The following SATB2 variants were observed in gnomAD, a reference collection of about 807,000 sequenced individuals.
SATB2 encodes SATB homeobox 2, also known as DNA-binding protein SATB2.
A neutral mutation model predicts 73.4 loss-of-function variants in SATB2; 1 was observed. That is an observed-to-expected ratio of 0.01 (90% CI 0.00 to 0.06). The LOEUF is 0.06. Among genes scored for constraint, SATB2 ranks in the 10% least tolerant of loss-of-function variants. SATB2 has a pLI of 1.00. For synonymous variants in SATB2, 397 were observed against 367.0 expected (o/e 1.08, Z -0.93); for missense variants, 459 against 945.8 (o/e 0.49, Z 6.75).
intron 1 of SATB2, chr2:199,470,315 C>T (rs908040432): frequency 2.0e-5 from 3 of 152,240 alleles, no homozygotes; most frequent in Non-Finnish European, 4.4e-5. Context: ...GAGCATCGGC[C>T]TTTCTTTACC....
At chr2:199,403,121 A>T (rs1445476752) in intron 3 of SATB2, among the ~76,000 whole-genome samples, 1 of 152,188 alleles carries the variant, frequency 6.6e-6, no homozygotes, top group Non-Finnish European at 1.5e-5. Context: ...TGAATCAAAA[A>T]CATAGAATGA....
upstream of SATB2, among the ~76,000 whole-genome samples, chr2:199,460,869 G>A (rs1443646153): frequency 5.9e-5 from 9 of 152,140 alleles, no homozygotes; most frequent in Admixed American, 5.9e-4. The surrounding 1 kb of genome is among the most constrained non-coding windows in gnomAD (Gnocchi z 4.0). Flanking sequence ...CCCTGAGAAG[G>A]ACTATTTAAA....
At chr2:199,415,305 A>G (rs1690944402) in intron 3 of SATB2, among the ~76,000 whole-genome samples, 1 of 152,240 alleles carries the variant, frequency 6.6e-6, no homozygotes, top group Admixed American at 6.5e-5. Flanking sequence ...ATAACCATTC[A>G]AAATGACTAA....
At chr2:199,471,254 CTT>C (rs1452566631) in exon 1 of SATB2, 1 of 152,370 alleles carries the variant, frequency 6.6e-6, no homozygotes, top group Non-Finnish European at 1.5e-5. Flanking sequence ...CCCTTGGTAA[CTT>C]AAGCGCCTCT....
At chr2:199,444,732 G>C (rs13005579) in intron 2 of SATB2, among the ~76,000 whole-genome samples, 28,216 of 152,020 alleles carry the variant, frequency 0.19, 3,147 homozygotes, top group East Asian at 0.46. Context: ...GGGTGAACTC[G>C]AGTATCACCC....
At chr2:199,439,040 T>C (rs1691732366) in intron 2 of SATB2, among the ~76,000 whole-genome samples, 1 of 152,250 alleles carries the variant, frequency 6.6e-6, no homozygotes, top group Non-Finnish European at 1.5e-5. Flanking sequence ...TACCACTTGC[T>C]ATGTCCAATG....
At chr2:199,350,918 G>A (rs556085395) in intron 6 of SATB2, among the ~76,000 whole-genome samples, 2 of 151,216 alleles carry the variant, frequency 1.3e-5, no homozygotes, top group South Asian at 4.2e-4. Context: ...AGATATTCGG[G>A]ACGCTGAATC....
chr2:199,377,694 G>A (rs562278341), intron 5 of SATB2, among the ~76,000 whole-genome samples: 153 of 152,238 alleles, frequency 1.0e-3, no homozygotes, highest in African/African-American at 3.5e-3. Flanking sequence ...GGTGGGTAGG[G>A]GGAGTGACTG....
upstream of SATB2, chr2:199,459,991 C>T (rs930278099): frequency 3.3e-5 from 5 of 152,286 alleles, no homozygotes; most frequent in African/African-American, 1.2e-4. This position sits in a 1 kb window ranked among gnomAD's most constrained non-coding sequence, Gnocchi z 4.2. Flanking sequence ...CGCACCTAGG[C>T]GCCGCCCACC....
At chr2:199,456,288 C>A (rs1692272592) in intron 1 of SATB2, among the ~76,000 whole-genome samples, 192 bp from the exon 2 acceptor site, 2 of 152,246 alleles carry the variant, frequency 1.3e-5, no homozygotes, top group Non-Finnish European at 2.9e-5. Flanking sequence ...GGAAGCCCAG[C>A]GCCTCGGTTC....
chr2:199,378,652 C>G lies in SATB2; in HGVS notation c.597+1712G>C, dbSNP rs541572518. ...AATAGCATACTTTGCTTCAGAGGAT[C>G]CAAATTCCAAAACACCCTCAAAGGC... is the stretch of plus-strand genomic sequence containing the variant. On this transcript the variant is annotated intron_variant, in intron 5 of 10. Coordinates refer to ENST00000417098, the MANE Select transcript of SATB2 (RefSeq NM_001172509.2). 1.1e-4 allele frequency among the ~76,000 whole-genome samples: 17 copies of G among 152,150 alleles called. No homozygotes were observed. In the East Asian group the frequency reaches 3.3e-3, roughly 29 times the overall value.
In SATB2 at chr2:199,271,907, A is replaced by AG; in HGVS notation, c.*303dup. On this transcript the variant is annotated 3_prime_UTR_variant, in exon 11 of 11. Coordinates refer to ENST00000417098, the MANE Select transcript of SATB2 (RefSeq NM_001172509.2). ...TTAAGTGCAAGGATAATGAAGGCAG[A>AG]GTCTCCTGTGATTATAATGACTATG... 2.4e-6 allele frequency: 1 copy of AG among 423,772 alleles called. No individual in the cohort carries two copies. Among genetic ancestry groups the AG allele is most frequent in the Non-Finnish European group, 4.4e-6 (1 of 228,040 alleles). The allele number at this position is 423,772 out of a possible 1,614,324, so 26.3% of individuals were successfully genotyped here. A position where few individuals can be genotyped will look rare whatever the true frequency, so the allele number is the denominator to read the frequency against.
chr2:199,285,955 T>C (rs1005501358), intron 10 of SATB2, among the ~76,000 whole-genome samples: 12 of 151,056 alleles, frequency 7.9e-5, no homozygotes, highest in Non-Finnish European at 1.6e-4. Flanking sequence ...AGTTTAATAA[T>C]TGTTTCTCAA....
Position 199,445,653 on chromosome 2 carries a change from AG to A in SATB2, c.169+10215del, listed in dbSNP as rs536916915. Among the ~76,000 whole-genome samples, 14 of 152,298 alleles carry A rather than the reference AG, an allele frequency of 9.2e-5. No individual in the cohort carries two copies. In the South Asian group the frequency reaches 2.9e-3, roughly 32 times the overall value. ...TAGAGATTCATTTGAGAAGGAAAAA[AG>A]TCAGGATCACCTTATTTACCCTTGT... On this transcript the variant is annotated intron_variant, in intron 2 of 10. Coordinates refer to ENST00000417098, the MANE Select transcript of SATB2 (RefSeq NM_001172509.2).
At chr2:199,302,017 A>G (rs1482619980) in intron 10 of SATB2, among the ~76,000 whole-genome samples, 1 of 152,192 alleles carries the variant, frequency 6.6e-6, no homozygotes, top group African/African-American at 2.4e-5. Flanking sequence ...AGCATCCTCA[A>G]TTTCTTTTAA....
intron 9 of SATB2, among the ~76,000 whole-genome samples, chr2:199,319,767 G>GAA (rs916711300): frequency 7.2e-6 from 1 of 139,774 alleles, no homozygotes; most frequent in Non-Finnish European, 1.6e-5. Context: ...TCCTCTCAAA[G>GAA]AAAAAAAAAA....
intron 8 of SATB2, 29 bp downstream of exon 8, chr2:199,328,669 G>A (rs371022615): frequency 1.9e-6 from 3 of 1,576,182 alleles, no homozygotes; most frequent in Non-Finnish European, 2.6e-6. Context: ...AAGACAAAGA[G>A]TGAAAAATAC....
In SATB2 at chr2:199,456,964, G is replaced by T. The variant is rs1008761155; in HGVS notation, c.-60+375C>A. Among the ~76,000 whole-genome samples the T allele has an allele frequency of 3.6e-4, 40 of 111,178 alleles. No individual in the cohort carries two copies. The East Asian group carries it at 7.0e-3, about 19-fold the overall frequency. The allele number at this position is 111,178 out of a possible 152,430, so 72.9% of individuals were successfully genotyped here. ...GAAGCCGCAGGTCTCGACACCCCTGGATTGGGGGGGTGGGGGGGGGCGGGG... is the reference window on the plus strand; with the variant it reads ...GAAGCCGCAGGTCTCGACACCCCTGTATTGGGGGGGTGGGGGGGGGCGGGG... On this transcript the variant is annotated intron_variant, in intron 1 of 10. Transcript: ENST00000417098.
At chr2:199,306,214 C>A (rs1404084244) in intron 10 of SATB2, among the ~76,000 whole-genome samples, 1 of 152,136 alleles carries the variant, frequency 6.6e-6, no homozygotes, top group Non-Finnish European at 1.5e-5. Flanking sequence ...CAAATTTAGT[C>A]TCAGGAGTTC....
Sources: allele counts gnomAD v4.1 joint callset (sites outside exome capture counted in the v4.1 genomes callset), GRCh38; gene constraint gnomAD v4.1.1; non-coding constraint Gnocchi (gnomAD v3.1); transcripts MANE v1.5; gene names NCBI Gene and HGNC (gene_info 2026-07-23, HGNC 2026-07-21).